Variants in LRRFIP1 observed in about 807,000 individuals in gnomAD.
The protein encoded by LRRFIP1 is leucine-rich repeat flightless-interacting protein 1.
In LRRFIP1, 62 loss-of-function variants were observed where a neutral mutation model predicts 104.4. The ratio of observed to expected loss-of-function variants is 0.59; its 90% CI spans 0.48 to 0.73. LRRFIP1 has a LOEUF of 0.73. Among genes scored for constraint, LRRFIP1 ranks in the 30% least tolerant of loss-of-function variants. The pLI is 0.00. For synonymous variants in LRRFIP1, 300 were observed against 299.0 expected, an observed-to-expected ratio of 1.00 and a Z score of -0.03; for missense variants, 796 against 824.5, an observed-to-expected ratio of 0.97 and a Z score of 0.42.
intron 13 of LRRFIP1, 122 bp from the exon 14 acceptor site, chr2:237,751,077 TA>T: frequency 1.6e-6 from 1 of 627,524 alleles, no homozygotes. Context: ...TAACGCTTAA[TA>T]AAATAAAAAA....
intron 1 of LRRFIP1, among the ~76,000 whole-genome samples, chr2:237,659,027 T>C (rs189588913): frequency 6.6e-6 from 1 of 152,290 alleles, no homozygotes; most frequent in East Asian, 1.9e-4. Flanking sequence ...AAATAAATGA[T>C]GAACTTTTCT....
chr2:237,737,615 A>G (rs1407414311), intron 10 of LRRFIP1, among the ~76,000 whole-genome samples: 2 of 152,196 alleles, frequency 1.3e-5, no homozygotes, highest in Non-Finnish European at 2.9e-5. Context: ...ATGGCATAGG[A>G]TGGAGAAGGA....
chr2:237,657,666 A>G (rs1395401657), intron 1 of LRRFIP1, among the ~76,000 whole-genome samples: 1 of 152,228 alleles, frequency 6.6e-6, no homozygotes, highest in Non-Finnish European at 1.5e-5. Context: ...AAAATAAAAG[A>G]GGAGAAAAAT....
chr2:237,769,906 G>A (rs757359423), intron 19 of LRRFIP1, 37 bp from the exon 20 acceptor site: 163 of 1,529,250 alleles, frequency 1.1e-4, no homozygotes, highest in Non-Finnish European at 1.3e-4. Flanking sequence ...CGCGGCACGC[G>A]GATTCACCTA....
At chr2:237,693,919 C>T (rs1028548065) in intron 1 of LRRFIP1, among the ~76,000 whole-genome samples, 1 of 152,170 alleles carries the variant, frequency 6.6e-6, no homozygotes, top group Middle Eastern at 3.2e-3. Context: ...GTTCAGATGA[C>T]TTCGAGATGC....
At chr2:237,700,440 A>T (rs2149882034) in intron 1 of LRRFIP1, among the ~76,000 whole-genome samples, 1 of 152,328 alleles carries the variant, frequency 6.6e-6, no homozygotes, top group Admixed American at 6.5e-5. Flanking sequence ...ACACTTTTCC[A>T]AAAAGGTTAT....
intron 1 of LRRFIP1, among the ~76,000 whole-genome samples, chr2:237,648,684 C>A (rs2085385491): frequency 6.6e-6 from 1 of 151,724 alleles, no homozygotes; most frequent in South Asian, 2.1e-4. Context: ...GTAACAGAAA[C>A]CATCTTCCCA....
intron 23 of LRRFIP1, among the ~76,000 whole-genome samples, chr2:237,776,278 A>G (rs963448385): frequency 2.0e-5 from 3 of 152,162 alleles, no homozygotes; most frequent in African/African-American, 4.8e-5. Flanking sequence ...CTTCTAGCCT[A>G]CTTTTGCTAT....
At chr2:237,656,157 C>G (rs1157671091) in intron 1 of LRRFIP1, among the ~76,000 whole-genome samples, 1 of 152,046 alleles carries the variant, frequency 6.6e-6, no homozygotes, top group East Asian at 1.9e-4. Context: ...TGTAAGGTGG[C>G]AATGCATATA....
rs143933332 is a variant in LRRFIP1 at position 237,727,596 on chromosome 2, G to A, written c.385-280G>A. ...ACACCAAGCCCAAATGTTCCACCCCGTGGAGGGACTTGGTGCCACTTTAAA... is the reference window on the plus strand; with the variant it reads ...ACACCAAGCCCAAATGTTCCACCCCATGGAGGGACTTGGTGCCACTTTAAA... On this transcript the variant is annotated intron_variant, in intron 7 of 23. Transcript: ENST00000308482. Among the ~76,000 whole-genome samples, 539 of 152,292 alleles carry A rather than the reference G, an allele frequency of 3.5e-3. 2 individuals carry two copies. Among genetic ancestry groups the A allele is most frequent in the Non-Finnish European group, 5.4e-3 (367 of 68,010 alleles).
intron 1 of LRRFIP1, among the ~76,000 whole-genome samples, chr2:237,640,413 G>A (rs116217149): frequency 0.013 from 1,943 of 152,082 alleles, 42 homozygotes; most frequent in African/African-American, 0.044. Flanking sequence ...CACATTCAGC[G>A]CACACCTCTT....
intron 7 of LRRFIP1, among the ~76,000 whole-genome samples, chr2:237,724,306 T>A (rs984584318): frequency 6.6e-6 from 1 of 152,256 alleles, no homozygotes; most frequent in Admixed American, 6.5e-5. Context: ...TGAAGGACTT[T>A]ACCTAAAAGC....
chr2:237,682,157 TGG>T (rs2091912557), intron 1 of LRRFIP1, among the ~76,000 whole-genome samples: 3 of 152,180 alleles, frequency 2.0e-5, no homozygotes, highest in Non-Finnish European at 1.5e-5. Flanking sequence ...TTCTCTAACC[TGG>T]ATGTAAATTG....
At chr2:237,768,758 G>A (rs180699354) in intron 19 of LRRFIP1, 20 of 152,278 alleles carry the variant, frequency 1.3e-4, no homozygotes, top group African/African-American at 4.1e-4. Flanking sequence ...AATGTAACTT[G>A]GATTAGCATG....
intron 14 of LRRFIP1, 49 bp downstream of exon 14, chr2:237,751,320 T>TA (rs3835808): frequency 0.045 from 48,141 of 1,073,690 alleles, 29 homozygotes; most frequent in South Asian, 0.058. Flanking sequence ...CAACTTAACT[T>TA]AAAAAAAAAA....
At chr2:237,752,980 G>A (rs543289041) in intron 14 of LRRFIP1, among the ~76,000 whole-genome samples, 64 of 152,324 alleles carry the variant, frequency 4.2e-4, no homozygotes, top group African/African-American at 1.4e-3. Context: ...CTAGGACGCC[G>A]TGCTGGGGGG....
chr2:237,641,385 G>T (rs1360806195), intron 1 of LRRFIP1, among the ~76,000 whole-genome samples: 1 of 151,294 alleles, frequency 6.6e-6, no homozygotes, highest in East Asian at 2.0e-4. Context: ...GTTGGCAGGT[G>T]CCTCAGGAGG....
At chr2:237,733,943 G>T in intron 9 of LRRFIP1, 125 bp downstream of exon 9, 2 of 958,118 alleles carry the variant, frequency 2.1e-6, no homozygotes, top group Non-Finnish European at 3.3e-6. Flanking sequence ...CCTTCACGTG[G>T]AGCTTACATG....
At chr2:237,733,699 G>A (rs185883170) in intron 8 of LRRFIP1, 75 bp from the exon 9 acceptor site, 23 of 1,418,102 alleles carry the variant, frequency 1.6e-5, no homozygotes, top group Non-Finnish European at 2.0e-5. Context: ...TGAAACTATC[G>A]TGATGGCCTT....
Sources: gnomAD v4.1 joint callset for allele counts (sites outside exome capture counted in the v4.1 genomes callset) on GRCh38, gnomAD v4.1.1 for gene constraint, MANE v1.5 for transcripts, NCBI Gene and HGNC (gene_info 2026-07-23, HGNC 2026-07-21) for gene names.